PAN3: variants seen among roughly 807,000 people sequenced by gnomAD.
PAN3 encodes PAN2-PAN3 deadenylation complex subunit PAN3.
PAN3 carries 19 observed loss-of-function variants against 96.2 expected under a neutral mutation model. The observed-to-expected ratio is 0.20, with a 90% CI of 0.14 to 0.29. The LOEUF (loss-of-function observed/expected upper bound fraction) is 0.29, where lower values mean the gene tolerates loss of function less well. Among genes scored for constraint, PAN3 ranks in the 10% least tolerant of loss-of-function variants. The pLI, the probability that PAN3 is intolerant of heterozygous loss-of-function variation, is 1.00. For synonymous variants in PAN3, 433 were observed against 406.6 expected (o/e 1.06, Z -0.78); for missense variants, 882 against 1,108.1 (o/e 0.80, Z 2.90).
intron 1 of PAN3, among the ~76,000 whole-genome samples, chr13:28,159,831 G>A (rs1872683285): frequency 6.6e-6 from 1 of 151,972 alleles, no homozygotes; most frequent in Non-Finnish European, 1.5e-5. Context: ...CATATTATCT[G>A]GGTGACAAAA....
intron 1 of PAN3, among the ~76,000 whole-genome samples, chr13:28,158,129 A>T (rs1204387413): frequency 1.3e-5 from 2 of 152,218 alleles, no homozygotes; most frequent in Non-Finnish European, 2.9e-5. Context: ...TGGTGCTGAG[A>T]TAACTGGCTA....
At position 28,282,068 on chromosome 13, in the gene PAN3, G is replaced by A. The variant is rs142436066; in HGVS notation, c.2384+689G>A. Reference sequence around the variant, plus strand: ...TGGGATTACAGGCATGAGCCACCACGCCTGGCCTAAAGTATACTTTTTATA... The same window carrying A: ...TGGGATTACAGGCATGAGCCACCACACCTGGCCTAAAGTATACTTTTTATA... On this transcript the variant is annotated intron_variant, in intron 17 of 18. Coordinates refer to ENST00000380958, the MANE Select transcript of PAN3 (RefSeq NM_175854.8). 6.9e-3 allele frequency among the ~76,000 whole-genome samples: 1,044 copies of A among 152,216 alleles called. 11 individuals are homozygous for A. Among genetic ancestry groups the A allele is most frequent in the African/African-American group, 0.024 (1,008 of 41,536 alleles).
intron 17 of PAN3, among the ~76,000 whole-genome samples, chr13:28,282,009 C>T (rs1251328309): frequency 6.6e-6 from 1 of 152,170 alleles, no homozygotes; most frequent in Non-Finnish European, 1.5e-5. Flanking sequence ...CTCCTGACTT[C>T]AGGTGATCCA....
chr13:28,221,347 T>TA lies in PAN3; in HGVS notation c.1000+980dup, dbSNP rs71641243. On this transcript the variant is annotated intron_variant, in intron 6 of 18. Transcript: ENST00000380958. ...AAAATCATCACTTGGTCTTGGACAT[T>TA]AAAAAAAAAAACAGAAATAAAATGA... Among the ~76,000 whole-genome samples, 125 of 143,968 alleles carry TA rather than the reference T, an allele frequency of 8.7e-4. 1 individual carries two copies. The highest frequency in any genetic ancestry group is 1.1e-3 in the Admixed American group (16 of 14,344). The allele number at this position is 143,968 out of a possible 152,430, so 94.4% of individuals were successfully genotyped here.
chr13:28,159,382 A>G (rs1177467288), intron 1 of PAN3, among the ~76,000 whole-genome samples: 1 of 152,242 alleles, frequency 6.6e-6, no homozygotes, highest in African/African-American at 2.4e-5. Flanking sequence ...GTTCTCACTT[A>G]TAAGTGGGAA....
chr13:28,264,413 A>G (rs181725135), intron 9 of PAN3, among the ~76,000 whole-genome samples: 4 of 152,020 alleles, frequency 2.6e-5, no homozygotes, highest in African/African-American at 9.6e-5. Flanking sequence ...GTGGTGCCCA[A>G]CTGTAACTCC....
rs139117780 is a variant in PAN3 at position 28,208,632 on chromosome 13, A to G, written c.852+11286A>G. ...GCATTGAACATTGACTTTGAGCATC[A>G]TGTTTGAGCTCAAAAAGTTTCAGAT... On this transcript the variant is annotated intron_variant, in intron 5 of 18. Coordinates refer to ENST00000380958, the MANE Select transcript of PAN3 (RefSeq NM_175854.8). Among the ~76,000 whole-genome samples, 1,146 of 152,190 alleles carry G rather than the reference A, an allele frequency of 7.5e-3. 3 individuals carry two copies. The highest frequency in any genetic ancestry group is 0.012 in the Non-Finnish European group (844 of 67,992).
At chr13:28,210,241 A>T (rs192742787) in intron 5 of PAN3, among the ~76,000 whole-genome samples, 2 of 152,342 alleles carry the variant, frequency 1.3e-5, no homozygotes, top group Admixed American at 1.3e-4. Context: ...TCAAGCTGTT[A>T]TGTACAGAGA....
At chr13:28,260,772 A>G (rs1885648025) in intron 8 of PAN3, among the ~76,000 whole-genome samples, 1 of 152,220 alleles carries the variant, frequency 6.6e-6, no homozygotes, top group Non-Finnish European at 1.5e-5. Flanking sequence ...TAGAATAGCT[A>G]TTTAAATGGT....
chr13:28,198,497 CTG>C (rs920066642), intron 5 of PAN3, among the ~76,000 whole-genome samples: 13 of 152,182 alleles, frequency 8.5e-5, no homozygotes, highest in African/African-American at 2.9e-4. Flanking sequence ...CCATCTTTGA[CTG>C]TACCTTTTTT....
intron 12 of PAN3, among the ~76,000 whole-genome samples, chr13:28,269,080 G>T (rs995332842): frequency 3.9e-5 from 6 of 152,162 alleles, no homozygotes; most frequent in Non-Finnish European, 7.4e-5. Flanking sequence ...AAGTTTTTGT[G>T]GGGGCTGTCT....
Position 28,267,378 on chromosome 13 carries a change from C to G in PAN3, c.1769C>G (p.Ala590Gly), listed in dbSNP as rs1302792516. 6.2e-7 allele frequency: 1 copy of G among 1,613,274 alleles called. No individual in the cohort carries two copies. Among genetic ancestry groups the G allele is most frequent in the East Asian group, 2.2e-5 (1 of 44,822 alleles). The change falls in exon 12 of 19, where the codon GCC (alanine) becomes GGC (glycine). Residue 590 changes from alanine (A) to glycine (G), a missense_variant. This residue lies in a region of PAN3 where 364 missense variants were observed against 513.6 expected (regional missense o/e 0.71). Transcript: ENST00000380958. Reference protein sequence around the residue: ...SRHFNDPNADAYFTKRKWGQH... With the variant: ...SRHFNDPNADGYFTKRKWGQH... Reference sequence around the variant, plus strand: ...CACTTTAATGACCCTAATGCTGATGCCTACTTCACCAAGAGAAAGTGGGGT... The same window carrying G: ...CACTTTAATGACCCTAATGCTGATGGCTACTTCACCAAGAGAAAGTGGGGT...
intron 6 of PAN3, among the ~76,000 whole-genome samples, chr13:28,254,348 T>C (rs1884973139): frequency 6.6e-6 from 1 of 152,184 alleles, no homozygotes; most frequent in Non-Finnish European, 1.5e-5. Flanking sequence ...GAGGATTAAG[T>C]AGATTGATGG....
At chr13:28,148,156 G>C (rs183940782) in intron 1 of PAN3, among the ~76,000 whole-genome samples, 98 of 152,052 alleles carry the variant, frequency 6.4e-4, no homozygotes, top group African/African-American at 2.2e-3. Flanking sequence ...GGGTCTCCCT[G>C]TGTTTCCCAG....
chr13:28,160,447 G>A (rs1872755001), intron 1 of PAN3, among the ~76,000 whole-genome samples: 1 of 152,172 alleles, frequency 6.6e-6, no homozygotes, highest in Admixed American at 6.5e-5. Flanking sequence ...GGAGAGAAGG[G>A]AGGCAAGGAT....
chr13:28,180,632 T>C (rs1483169991), intron 4 of PAN3, among the ~76,000 whole-genome samples: 1 of 152,194 alleles, frequency 6.6e-6, no homozygotes, highest in Non-Finnish European at 1.5e-5. Context: ...GTATTTTGTT[T>C]TACAGTGATA....
chr13:28,281,686 C>T (rs979174334), intron 17 of PAN3, among the ~76,000 whole-genome samples: 7 of 151,776 alleles, frequency 4.6e-5, no homozygotes, highest in African/African-American at 1.5e-4. Flanking sequence ...GAAGAAGTTT[C>T]ATGTAAGTTT....
intron 2 of PAN3, 38 bp downstream of exon 2, chr13:28,174,431 T>C: frequency 6.3e-7 from 1 of 1,598,944 alleles, no homozygotes; most frequent in East Asian, 2.2e-5. Flanking sequence ...CTATGAAGTT[T>C]ATTCTAGGGC....
rs370122106 is a variant in PAN3 at position 28,220,276 on chromosome 13, A to G, written c.898A>G (p.Thr300Ala). ...CGAGTTTATTCCTAAAGGAGGATCA[A>G]CCTCCAGGCTGAGTAACGTGTCCCA... Reference protein sequence around the residue: ...ASEFIPKGGSTSRLSNVSQSN... With the variant: ...ASEFIPKGGSASRLSNVSQSN... Residue 300 changes from threonine (T) to alanine (A), a missense_variant, in exon 6 of 19, where the codon ACC (threonine) becomes GCC (alanine). Thr to Ala is a moderately conservative substitution (Grantham distance 58, BLOSUM62 0). Transcript: ENST00000380958. 3.1e-5 allele frequency: 50 copies of G among 1,613,462 alleles called. No individual in the cohort carries two copies. Among genetic ancestry groups the G allele is most frequent in the South Asian group, 2.6e-4 (24 of 91,044 alleles).
Sources: allele counts gnomAD v4.1 joint callset (sites outside exome capture counted in the v4.1 genomes callset), GRCh38; gene constraint gnomAD v4.1.1; regional missense constraint gnomAD v4.1.1; transcripts MANE v1.5; gene names NCBI Gene and HGNC (gene_info 2026-07-23, HGNC 2026-07-21).